Variants in MYO16 observed in about 807,000 individuals in gnomAD.
MYO16 encodes myosin XVI, also known as unconventional myosin-XVI.
A neutral mutation model predicts 205.3 loss-of-function variants in MYO16; 94 were observed. The observed-to-expected ratio is 0.46, with a 90% CI of 0.39 to 0.54. The LOEUF is 0.54. Among genes scored for constraint, MYO16 ranks in the 20% least tolerant of loss-of-function variants. The probability of loss-of-function intolerance (pLI) is 0.00; values close to 1 mark genes in which losing one functional copy is unlikely to be tolerated. For synonymous variants in MYO16, 988 were observed against 954.0 expected, an observed-to-expected ratio of 1.04 and a Z score of -0.66; for missense variants, 2,315 against 2,387.5, an observed-to-expected ratio of 0.97 and a Z score of 0.63.
chr13:108,510,431 T>TA, the MYO16 span, among the ~76,000 whole-genome samples: 21 of 139,854 alleles, frequency 1.5e-4, 1 homozygote, highest in Non-Finnish European at 2.9e-4. Context: ...GTTAATTTTT[T>TA]TTTTTTTTTT....
chr13:109,025,432 A>G (rs1347822649), intron 23 of MYO16, among the ~76,000 whole-genome samples: 3 of 152,190 alleles, frequency 2.0e-5, no homozygotes, highest in Non-Finnish European at 4.4e-5. Context: ...ATATTTTCCA[A>G]TCACCATTAC....
the MYO16 span, among the ~76,000 whole-genome samples, chr13:108,498,130 C>A: frequency 6.6e-6 from 1 of 152,312 alleles, no homozygotes; most frequent in East Asian, 1.9e-4. Flanking sequence ...TACTTTAAGC[C>A]TGTGCTCAGT....
At chr13:108,517,382 C>T in the MYO16 span, among the ~76,000 whole-genome samples, 1 of 152,126 alleles carries the variant, frequency 6.6e-6, no homozygotes, top group Non-Finnish European at 1.5e-5. Context: ...AAAATCCTGA[C>T]AGGTTAACAT....
At chr13:108,718,586 A>G (rs1366277498) in intron 3 of MYO16, among the ~76,000 whole-genome samples, 1 of 151,946 alleles carries the variant, frequency 6.6e-6, no homozygotes, top group Non-Finnish European at 1.5e-5. Context: ...ACAGCCAGGC[A>G]AGTTGGGTGA....
intron 28 of MYO16, among the ~76,000 whole-genome samples, chr13:109,103,818 A>G (rs1169021604): frequency 9.9e-5 from 15 of 152,174 alleles, no homozygotes; most frequent in Admixed American, 9.2e-4. Flanking sequence ...ATGCCGATCT[A>G]TGCACCTGTG....
intron 1 of MYO16, among the ~76,000 whole-genome samples, chr13:108,654,683 G>A (rs1465011533): frequency 6.6e-6 from 1 of 152,192 alleles, no homozygotes; most frequent in African/African-American, 2.4e-5. Context: ...GGAAAGTTTG[G>A]AACTTCCTAG....
rs1406677239 is a variant in MYO16 at position 108,972,351 on chromosome 13, C to CATCTATATATATATATAT, written c.2369+7451_2369+7452insCTATATATATATATATAT. 1.1e-3 allele frequency among the ~76,000 whole-genome samples: 20 copies of CATCTATATATATATATAT among 17,456 alleles called. 7 individuals are homozygous for CATCTATATATATATATAT. The highest frequency in any genetic ancestry group is 0.01 in the South Asian group (2 of 192). 11.5% of individuals were successfully genotyped at this position (17,456 alleles called of 152,430 possible). On this transcript the variant is annotated intron_variant, in intron 20 of 34. Transcript: ENST00000457511. ...CCATCTATATATATATATATATAGCCATATATATATATATATATATATATA... is the reference window on the plus strand; with the variant it reads ...CCATCTATATATATATATATATAGCCATCTATATATATATATATATATATATATATATATATATATATA...
intron 16 of MYO16, among the ~76,000 whole-genome samples, chr13:108,954,661 G>C (rs1003131642): frequency 2.6e-5 from 4 of 152,154 alleles, no homozygotes; most frequent in Admixed American, 2.6e-4. Flanking sequence ...AGGGTCACTT[G>C]TGCCTGGGAG....
upstream of MYO16, among the ~76,000 whole-genome samples, chr13:108,628,222 A>C (rs1237792696): frequency 6.6e-6 from 1 of 152,218 alleles, no homozygotes; most frequent in Non-Finnish European, 1.5e-5. Context: ...GACTTTTGTG[A>C]CAGTGACTCT....
At chr13:108,638,827 A>G (rs1286005048) in intron 1 of MYO16, among the ~76,000 whole-genome samples, 2 of 152,152 alleles carry the variant, frequency 1.3e-5, no homozygotes, top group African/African-American at 4.8e-5. Flanking sequence ...AGACAGGGAA[A>G]GGCACCCAGT....
chr13:108,896,892 A>C (rs1880441712), intron 14 of MYO16, among the ~76,000 whole-genome samples: 2 of 152,054 alleles, frequency 1.3e-5, no homozygotes, highest in Non-Finnish European at 2.9e-5. Flanking sequence ...GAATTGCTTG[A>C]ATCCAGGAGG....
At chr13:108,531,002 T>C in the MYO16 span, among the ~76,000 whole-genome samples, 1 of 152,228 alleles carries the variant, frequency 6.6e-6, no homozygotes. Context: ...TTCATGACTT[T>C]TTTTCACTGC....
chr13:108,969,640 T>G (rs1013813816), intron 20 of MYO16, among the ~76,000 whole-genome samples: 4 of 152,334 alleles, frequency 2.6e-5, no homozygotes, highest in Middle Eastern at 3.4e-3. Flanking sequence ...CTGCTCATTC[T>G]TTTTAGGAAT....
At chr13:108,551,719 G>C in the MYO16 span, among the ~76,000 whole-genome samples, 1 of 152,070 alleles carries the variant, frequency 6.6e-6, no homozygotes, top group African/African-American at 2.4e-5. Flanking sequence ...GGCCTTTCAT[G>C]ATTTAATCCA....
the MYO16 span, among the ~76,000 whole-genome samples, chr13:108,587,931 A>C: frequency 8.5e-5 from 13 of 152,222 alleles, no homozygotes; most frequent in Non-Finnish European, 2.9e-5. Flanking sequence ...TACATGAAGC[A>C]CTTAGATCCT....
intron 23 of MYO16, among the ~76,000 whole-genome samples, chr13:109,021,291 T>C: frequency 6.6e-6 from 1 of 152,154 alleles, no homozygotes; most frequent in East Asian, 1.9e-4. Context: ...GTTACAGCCT[T>C]ATCTTAGATC....
chr13:108,675,961 G>A (rs1300848145), intron 2 of MYO16, among the ~76,000 whole-genome samples: 1 of 152,074 alleles, frequency 6.6e-6, no homozygotes, highest in Non-Finnish European at 1.5e-5. Flanking sequence ...AAGGTTAGTT[G>A]GTTAGATAAT....
intron 1 of MYO16, among the ~76,000 whole-genome samples, chr13:108,648,276 T>C (rs572465690): frequency 6.6e-6 from 1 of 152,358 alleles, no homozygotes; most frequent in African/African-American, 2.4e-5. Flanking sequence ...TGGTCAGTGG[T>C]GTCTCCATAT....
At chr13:108,608,954 G>A (rs1449430733) in intron 1 of MYO16, among the ~76,000 whole-genome samples, 1 of 152,110 alleles carries the variant, frequency 6.6e-6, no homozygotes, top group Non-Finnish European at 1.5e-5. Flanking sequence ...ATTTTTGAAA[G>A]TAAATCCTTG....
Sources: allele counts gnomAD v4.1 joint callset (sites outside exome capture counted in the v4.1 genomes callset), GRCh38; gene constraint gnomAD v4.1.1; transcripts MANE v1.5; gene names NCBI Gene and HGNC (gene_info 2026-07-23, HGNC 2026-07-21).